CEP76: variants seen among roughly 807,000 people sequenced by gnomAD.
CEP76 encodes centrosomal protein of 76 kDa.
A neutral mutation model predicts 83.3 loss-of-function variants in CEP76; 55 were observed. That is an observed-to-expected ratio of 0.66 (90% CI 0.53 to 0.83). The LOEUF is 0.83. Among genes scored for constraint, CEP76 ranks in the 40% least tolerant of loss-of-function variants. CEP76 has a pLI of 0.00. For synonymous variants in CEP76, 270 were observed against 274.5 expected (o/e 0.98, Z 0.16); for missense variants, 694 against 799.5 (o/e 0.87, Z 1.59).
chr18:12,668,321 G>A (rs958939254), downstream of CEP76, among the ~76,000 whole-genome samples: 1 of 151,824 alleles, frequency 6.6e-6, no homozygotes, highest in Non-Finnish European at 1.5e-5. Context: ...GCTGGGTGCC[G>A]TCGCAGATGC....
intron 5 of CEP76, among the ~76,000 whole-genome samples, chr18:12,695,924 C>T (rs1427999954): frequency 6.6e-6 from 1 of 151,824 alleles, no homozygotes; most frequent in East Asian, 1.9e-4. Flanking sequence ...CTTATAGTAA[C>T]TCCCATTTGT....
intron 3 of CEP76, among the ~76,000 whole-genome samples, 163 bp downstream of exon 3, chr18:12,699,667 C>CT (rs2040083715): frequency 6.6e-6 from 1 of 152,110 alleles, no homozygotes; most frequent in African/African-American, 2.4e-5. Flanking sequence ...ATTAACTCTT[C>CT]TGATATACTT....
In CEP76 at chr18:12,673,112, AG is replaced by A; in HGVS notation, c.*252del. On this transcript the variant is annotated 3_prime_UTR_variant, in exon 12 of 12. Transcript: ENST00000262127. The stretch of plus-strand genomic sequence containing the variant: ...AACTACTGATAACTGTAAACAAAGT[AG>A]CATTTATTAAAATAGAATATACACT... 1 of 1,051,930 alleles carries A rather than the reference AG, an allele frequency of 9.5e-7. No individual in the cohort carries two copies. Among genetic ancestry groups the A allele is most frequent in the South Asian group, 3.4e-5 (1 of 29,478 alleles). 65.2% of individuals were successfully genotyped at this position (1,051,930 alleles called of 1,614,324 possible). A position where few individuals can be genotyped will look rare whatever the true frequency, so the allele number is the denominator to read the frequency against.
chr18:12,698,922 C>T (rs2040055112), intron 4 of CEP76, 57 bp downstream of exon 4: 2 of 1,248,704 alleles, frequency 1.6e-6, no homozygotes, highest in South Asian at 2.7e-5. Context: ...TATTGTTTCA[C>T]AATAAAACAT....
downstream of CEP76, chr18:12,670,583 C>T (rs967949170): frequency 1.3e-5 from 2 of 152,060 alleles, no homozygotes; most frequent in Admixed American, 6.5e-5. Context: ...CATAGTTTGT[C>T]TCAAAAGTTG....
intron 8 of CEP76, chr18:12,685,974 A>G (rs190146029): frequency 2.0e-5 from 5 of 244,488 alleles, no homozygotes; most frequent in Non-Finnish European, 4.0e-5. Context: ...ACATCCTCCT[A>G]TATACTTTAA....
intron 6 of CEP76, among the ~76,000 whole-genome samples, chr18:12,693,739 C>T (rs1308128143): frequency 1.3e-5 from 2 of 152,030 alleles, no homozygotes; most frequent in Non-Finnish European, 2.9e-5. Context: ...GCCAAGATTG[C>T]GCCACTGCAC....
intron 7 of CEP76, among the ~76,000 whole-genome samples, chr18:12,687,464 T>C (rs569573085): frequency 6.6e-6 from 1 of 151,724 alleles, no homozygotes; most frequent in Admixed American, 6.6e-5. Context: ...ATTTTTTTTT[T>C]TTTTTTTTTG....
chr18:12,690,911 C>A (rs868159069), intron 7 of CEP76, among the ~76,000 whole-genome samples: 48 of 151,366 alleles, frequency 3.2e-4, no homozygotes, highest in African/African-American at 1.1e-3. Flanking sequence ...TTTTTAAAAC[C>A]CTAACAAAAA....
intron 10 of CEP76, among the ~76,000 whole-genome samples, chr18:12,675,310 G>A (rs1021633677): frequency 6.6e-6 from 1 of 151,952 alleles, no homozygotes; most frequent in East Asian, 1.9e-4. Flanking sequence ...GCAGGAGAAT[G>A]GTATGAATCC....
intron 7 of CEP76, among the ~76,000 whole-genome samples, chr18:12,687,982 G>A (rs1322694638): frequency 1.3e-5 from 2 of 151,930 alleles, no homozygotes; most frequent in South Asian, 2.1e-4. Context: ...GGTGGCTCAC[G>A]CCTGTAATCC....
At chr18:12,666,897 T>C (rs752794406) in intron 12 of CEP76, among the ~76,000 whole-genome samples, 2 of 152,198 alleles carry the variant, frequency 1.3e-5, no homozygotes, top group Non-Finnish European at 1.5e-5. Flanking sequence ...TCAGTTTTAT[T>C]AATATATTGA....
intron 9 of CEP76, 116 bp downstream of exon 9, chr18:12,680,546 G>C (rs2039307517): frequency 1.5e-6 from 1 of 652,804 alleles, no homozygotes. Flanking sequence ...GCAGTGAGCT[G>C]AGATTGTGCC....
intron 4 of CEP76, chr18:12,698,722 A>G: frequency 6.6e-6 from 3 of 455,010 alleles, no homozygotes; most frequent in East Asian, 3.7e-5. Context: ...CACTATGCAC[A>G]TAATAGGTAT....
At chr18:12,667,632 G>A (rs12956026), downstream of CEP76, among the ~76,000 whole-genome samples, 13,533 of 150,002 alleles carry the variant, frequency 0.09, 837 homozygotes, top group Non-Finnish European at 0.13. Flanking sequence ...GTGGTGGCAC[G>A]TGCCTGTACT....
chr18:12,668,734 CTTTTTTTTTT>C (rs543253434), downstream of CEP76, among the ~76,000 whole-genome samples: 11 of 96,644 alleles, frequency 1.1e-4, no homozygotes, highest in South Asian at 1.7e-3. Flanking sequence ...CACTTTATTC[CTTTTTTTTTT>C]TTTTTTTTTT....
At chr18:12,688,071 A>G (rs183316038) in intron 7 of CEP76, among the ~76,000 whole-genome samples, 2 of 151,830 alleles carry the variant, frequency 1.3e-5, no homozygotes, top group Admixed American at 1.3e-4. Flanking sequence ...GTGAAACCCC[A>G]TCTCCACTAA....
Position 12,697,302 on chromosome 18 carries a change from T to C in CEP76, c.627A>G (p.Ala209=), listed in dbSNP as rs1019407770. 10 of 1,613,932 alleles carry C rather than the reference T, an allele frequency of 6.2e-6. No homozygotes were observed. Among genetic ancestry groups the C allele is most frequent in the Non-Finnish European group, 6.8e-6 (8 of 1,179,956 alleles). The change falls in exon 5 of 12, where the codon GCA becomes GCG. Residue 209 remains alanine, a synonymous_variant. Coordinates refer to ENST00000262127, the MANE Select transcript of CEP76 (RefSeq NM_024899.4). ...TDIFGETTLV[A]SYFLEWRSVL... is the part of the protein sequence containing the mutation. ...CCGATCGCCATTCCAGAAAATATGA[T>C]GCTACTAAAGTCGTCTCACCAAATA...
chr18:12,670,535 C>T (rs1056450425), downstream of CEP76: 8 of 152,098 alleles, frequency 5.3e-5, no homozygotes, highest in African/African-American at 1.9e-4. Context: ...GTTAATACAG[C>T]CTTGATCTTA....
Sources: allele counts gnomAD v4.1 joint callset (sites outside exome capture counted in the v4.1 genomes callset), GRCh38; gene constraint gnomAD v4.1.1; transcripts MANE v1.5; gene names NCBI Gene and HGNC (gene_info 2026-07-23, HGNC 2026-07-21).